The following UGT2A1 variants were observed in gnomAD, a reference collection of about 807,000 sequenced individuals.
UGT2A1 encodes UDP glucuronosyltransferase family 2 member A1 complex locus.
UGT2A1 carries 61 observed loss-of-function variants against 45.4 expected under a neutral mutation model. The observed-to-expected ratio is 1.34, with a 90% CI of 1.09 to 1.66. The LOEUF (loss-of-function observed/expected upper bound fraction) is 1.66, where lower values mean the gene tolerates loss of function less well. Ranked by LOEUF, UGT2A1 falls within the 40% of genes most tolerant of loss-of-function variation. The pLI is 0.00. For missense variants in UGT2A1, 649 were observed against 574.3 expected, an observed-to-expected ratio of 1.13 and a Z score of -1.33; for synonymous variants, 229 against 196.2, an observed-to-expected ratio of 1.17 and a Z score of -1.40.
chr4:69,597,304 T>C (rs998925442), intron 4 of UGT2A1, among the ~76,000 whole-genome samples: 4 of 152,182 alleles, frequency 2.6e-5, no homozygotes, highest in African/African-American at 9.6e-5. Context: ...TTCTTCTTGA[T>C]GTATAAGCTG....
At position 69,589,368 on chromosome 4, in the gene UGT2A1, TGACC is replaced by T; in HGVS notation, c.1584_*3del. 1 of 1,605,958 alleles carries T rather than the reference TGACC, an allele frequency of 6.2e-7. No individual in the cohort carries two copies. On this transcript the variant is annotated stop_retained_variant and 3_prime_UTR_variant, in exon 7 of 7. Transcript: ENST00000286604. ...AAATATATATATTTCCTCTTTTTCT[TGACC>T]TATTCTCTTTTTTTCTTCTTTCCTA...
chr4:69,594,502 A>C lies in UGT2A1; in HGVS notation c.1279T>G (p.Leu427Val). ...GAAGGTTCATTAATGACTGTTCTCA[A>C]AGCGCTAAGCAAATCCACACTTGTC... ...TMTSVDLLSA[L>V]RTVINEPSYK... Residue 427 changes from leucine to valine, a missense_variant, in exon 6 of 7, where the codon TTG (leucine) becomes GTG (valine). Coordinates refer to ENST00000286604, the MANE Select transcript of UGT2A1 (RefSeq NM_001252275.3). 6.2e-7 allele frequency: 1 copy of C among 1,614,148 alleles called. No individual in the cohort carries two copies. The highest frequency in any genetic ancestry group is 8.5e-7 in the Non-Finnish European group (1 of 1,180,010).
intron 2 of UGT2A1, chr4:69,639,072 C>T: frequency 6.2e-7 from 1 of 1,613,410 alleles, no homozygotes; most frequent in Non-Finnish European, 8.5e-7. Context: ...CCCACAGTGT[C>T]TCTCCACTGT....
chr4:69,611,176 T>C (rs377309987), intron 3 of UGT2A1, among the ~76,000 whole-genome samples: 1 of 151,768 alleles, frequency 6.6e-6, no homozygotes, highest in Non-Finnish European at 1.5e-5. Flanking sequence ...GACAGAATCT[T>C]GCTCTGTCAC....
At chr4:69,649,519 TGA>T (rs963543733) in intron 1 of UGT2A1, among the ~76,000 whole-genome samples, 1 of 152,048 alleles carries the variant, frequency 6.6e-6, no homozygotes, top group Non-Finnish European at 1.5e-5. Flanking sequence ...CAGGTGCTAT[TGA>T]GAGAGGAGAA....
At chr4:69,601,406 G>T (rs1719287204) in intron 3 of UGT2A1, among the ~76,000 whole-genome samples, 1 of 152,136 alleles carries the variant, frequency 6.6e-6, no homozygotes, top group Non-Finnish European at 1.5e-5. Flanking sequence ...TACTACTCCT[G>T]GGTAACATAA....
chr4:69,612,147 G>A (rs6600792), intron 3 of UGT2A1, among the ~76,000 whole-genome samples: 59,981 of 151,626 alleles, frequency 0.4, 12,180 homozygotes, highest in African/African-American at 0.48. Flanking sequence ...CCTGTTTACC[G>A]AGAAACAAGA....
At chr4:69,597,168 T>G (rs1718976978) in intron 4 of UGT2A1, among the ~76,000 whole-genome samples, 1 of 152,166 alleles carries the variant, frequency 6.6e-6, no homozygotes, top group Admixed American at 6.5e-5. Context: ...GTATGCCTCC[T>G]TTGATTCATA....
chr4:69,647,627 C>G lies in UGT2A1; in HGVS notation c.18G>C (p.Leu6=). 6.3e-7 allele frequency: 1 copy of G among 1,579,308 alleles called. No individual in the cohort carries two copies. The highest frequency in any genetic ancestry group is 2.2e-5 in the East Asian group (1 of 44,504). Reference sequence around the variant, plus strand: ...TGAGACTTATCTGAAGGGAGAACAGCAGAAGGTTGTTTAACATGATGTGGC... The same window carrying G: ...TGAGACTTATCTGAAGGGAGAACAGGAGAAGGTTGTTTAACATGATGTGGC... MLNNL[L]LFSLQISLIG... is the part of the protein sequence containing the mutation. The change falls in exon 2 of 7, where the codon CTG becomes CTC. Residue 6 remains leucine (L), a synonymous_variant. Coordinates refer to ENST00000286604, the MANE Select transcript of UGT2A1 (RefSeq NM_001252275.3).
chr4:69,632,812 C>T (rs1306052649), intron 3 of UGT2A1, among the ~76,000 whole-genome samples: 2 of 151,096 alleles, frequency 1.3e-5, no homozygotes, highest in Non-Finnish European at 2.9e-5. Flanking sequence ...CGCTTGAACC[C>T]AGGAGGCGGG....
chr4:69,605,383 G>A (rs1258107653), intron 3 of UGT2A1, among the ~76,000 whole-genome samples: 1 of 136,700 alleles, frequency 7.3e-6, no homozygotes, highest in Non-Finnish European at 1.6e-5. Context: ...CGACAACAAA[G>A]ACACAACATA....
intron 3 of UGT2A1, among the ~76,000 whole-genome samples, chr4:69,632,521 A>G (rs771548742): frequency 5.3e-4 from 81 of 152,174 alleles, no homozygotes; most frequent in Admixed American, 2.1e-3. Context: ...GACCAACTAA[A>G]AACAGGAGGG....
At chr4:69,621,249 T>C (rs1720737706) in intron 3 of UGT2A1, among the ~76,000 whole-genome samples, 1 of 152,044 alleles carries the variant, frequency 6.6e-6, no homozygotes, top group South Asian at 2.1e-4. Context: ...AAAGTATGCA[T>C]CTGACAAAGA....
intron 3 of UGT2A1, among the ~76,000 whole-genome samples, chr4:69,615,438 T>A (rs926480639): frequency 5.9e-5 from 9 of 151,654 alleles, no homozygotes; most frequent in African/African-American, 1.9e-4. Context: ...GAAGAAACAG[T>A]CTACAAAATG....
In UGT2A1 at chr4:69,647,095, C is replaced by A; in HGVS notation, c.550G>T (p.Gly184Trp). The A allele has an allele frequency of 6.2e-7, 1 of 1,612,732 alleles. No individual in the cohort carries two copies. Among genetic ancestry groups the A allele is most frequent in the Non-Finnish European group, 8.5e-7 (1 of 1,179,260 alleles). Residue 184 changes from glycine to tryptophan, a missense_variant, in exon 2 of 7, where the codon GGG becomes TGG. Coordinates refer to ENST00000286604, the MANE Select transcript of UGT2A1 (RefSeq NM_001252275.3). ...TAGGAAGGAGGGTATGGTACCTTCC[C>A]ACAGTGCTTTTCCACTGTTGAGGCT... ...SPASTVEKHC[G>W]KVPYPPSYVP...
intron 3 of UGT2A1, among the ~76,000 whole-genome samples, chr4:69,614,059 G>T (rs2109922836): frequency 6.6e-6 from 1 of 151,912 alleles, no homozygotes; most frequent in East Asian, 1.9e-4. Flanking sequence ...CAAAAAATAT[G>T]ATCTTGTATC....
At chr4:69,613,041 CA>C (rs1191426953) in intron 3 of UGT2A1, among the ~76,000 whole-genome samples, 1 of 131,524 alleles carries the variant, frequency 7.6e-6, no homozygotes, top group Non-Finnish European at 1.7e-5. Flanking sequence ...AAGCAAAAAA[CA>C]AATAACCTCA....
At chr4:69,652,435 C>T (rs1011937721) in intron 1 of UGT2A1, among the ~76,000 whole-genome samples, 2 of 151,372 alleles carry the variant, frequency 1.3e-5, no homozygotes, top group African/African-American at 4.9e-5. Context: ...AGGCGACCAC[C>T]ACCACACCTG....
intron 3 of UGT2A1, among the ~76,000 whole-genome samples, chr4:69,617,758 A>C (rs1720489527): frequency 6.6e-6 from 1 of 151,866 alleles, no homozygotes; most frequent in African/African-American, 2.4e-5. Flanking sequence ...TGCCATTATA[A>C]TACACTTACT....
Sources: gnomAD v4.1 joint callset for allele counts (sites outside exome capture counted in the v4.1 genomes callset) on GRCh38, gnomAD v4.1.1 for gene constraint, MANE v1.5 for transcripts, NCBI Gene and HGNC (gene_info 2026-07-23, HGNC 2026-07-21) for gene names.